Variants in UCK2 observed in about 807,000 individuals in gnomAD.
UCK2 encodes the protein uridine-cytidine kinase 2.
UCK2 carries 6 observed loss-of-function variants against 30.8 expected under a neutral mutation model. The ratio of observed to expected loss-of-function variants is 0.19; its 90% CI spans 0.11 to 0.38. UCK2 has a LOEUF of 0.38. UCK2 is among the 10% of genes least tolerant of loss of function. The pLI, the probability that UCK2 is intolerant of heterozygous loss-of-function variation, is 1.00. For synonymous variants in UCK2, 125 were observed against 133.6 expected (o/e 0.94, Z 0.45); for missense variants, 210 against 339.8 (o/e 0.62, Z 3.00).
chr1:165,909,646 T>G lies in UCK2; in HGVS notation c.*1823T>G, dbSNP rs1209438302. The G allele has an allele frequency of 6.6e-6, 1 of 152,316 alleles. No homozygotes were observed. The highest frequency in any genetic ancestry group is 1.5e-5 in the Non-Finnish European group (1 of 68,106). 9.4% of individuals were successfully genotyped at this position (152,316 alleles called of 1,614,324 possible). Reference sequence around the variant, plus strand: ...GCTCCCAGTCACAGCAGCCGCCTACTTGGAGCAAGGGAAGGCTCCCAAGAT... The same window carrying G: ...GCTCCCAGTCACAGCAGCCGCCTACGTGGAGCAAGGGAAGGCTCCCAAGAT... On this transcript the variant is annotated 3_prime_UTR_variant, in exon 7 of 7. Coordinates refer to ENST00000367879, the MANE Select transcript of UCK2 (RefSeq NM_012474.5).
intron 1 of UCK2, among the ~76,000 whole-genome samples, chr1:165,829,739 C>T (rs1557829593): frequency 2.0e-5 from 3 of 152,074 alleles, no homozygotes. Flanking sequence ...TAGTGGTGAG[C>T]CAATGTGGGA....
chr1:165,902,880 A>G lies in UCK2; in HGVS notation c.500-302A>G, dbSNP rs565115229. On this transcript the variant is annotated intron_variant, in intron 4 of 6. Transcript: ENST00000367879. ...TGCCCTGCTTTTTTAAAAAATTCAC[A>G]CTGAAATTTTGTTTGGAGCAAATGT... is the stretch of plus-strand genomic sequence containing the variant. The G allele has an allele frequency of 2.8e-3, 628 of 222,732 alleles. 3 individuals carry two copies. Among genetic ancestry groups the G allele is most frequent in the Non-Finnish European group, 4.4e-3 (486 of 110,670 alleles). 13.8% of individuals were successfully genotyped at this position (222,732 alleles called of 1,614,324 possible). A position where few individuals can be genotyped will look rare whatever the true frequency, so the allele number is the denominator to read the frequency against.
chr1:165,827,760 G>A lies in UCK2; in HGVS notation c.-74G>A, dbSNP rs1653923765. ...CCAGCGGCGGCTGCGGAAAGCGGAGGGAGTCCGACGCGGGCGCGGGCGGGG... is the reference window on the plus strand; with the variant it reads ...CCAGCGGCGGCTGCGGAAAGCGGAGAGAGTCCGACGCGGGCGCGGGCGGGG... On this transcript the variant is annotated 5_prime_UTR_variant, in exon 1 of 7. Transcript: ENST00000367879. 2 of 1,243,138 alleles carry A rather than the reference G, an allele frequency of 1.6e-6. No homozygotes were observed. The highest frequency in any genetic ancestry group is 3.1e-5 in the African/African-American group (2 of 63,992). The allele number at this position is 1,243,138 out of a possible 1,614,324, so 77.0% of individuals were successfully genotyped here. A position where few individuals can be genotyped will look rare whatever the true frequency, so the allele number is the denominator to read the frequency against.
chr1:165,832,754 C>T (rs1048878207), intron 1 of UCK2, among the ~76,000 whole-genome samples: 1 of 151,970 alleles, frequency 6.6e-6, no homozygotes, highest in Admixed American at 6.6e-5. Flanking sequence ...CCACAATGTC[C>T]GGCTAATTTT....
intron 1 of UCK2, among the ~76,000 whole-genome samples, chr1:165,851,417 C>T (rs1253472196): frequency 6.6e-6 from 1 of 152,032 alleles, no homozygotes; most frequent in Non-Finnish European, 1.5e-5. Context: ...AATAGGAGTG[C>T]CCTCAGCCCA....
rs74486980 is a variant in UCK2 at position 165,897,445 on chromosome 1, G to A, written c.499+1113G>A. ...GAAGAGTATTAGCAGAGTTAGAATC[G>A]ACCAGGACCCAGCAAGGGCAGTGGG... On this transcript the variant is annotated intron_variant, in intron 4 of 6. Transcript: ENST00000367879. Among the ~76,000 whole-genome samples, 589 of 152,210 alleles carry A rather than the reference G, an allele frequency of 3.9e-3. 1 individual carries two copies. The highest frequency in any genetic ancestry group is 6.4e-3 in the Non-Finnish European group (436 of 68,018).
intron 6 of UCK2, among the ~76,000 whole-genome samples, chr1:165,907,162 A>G (rs943311524): frequency 2.0e-5 from 3 of 152,100 alleles, no homozygotes; most frequent in African/African-American, 7.2e-5. Context: ...TGTGTATTCC[A>G]TTTTTGGTGA....
chr1:165,890,467 C>G, intron 2 of UCK2, 104 bp downstream of exon 2: 1 of 1,179,304 alleles, frequency 8.5e-7, no homozygotes, highest in Non-Finnish European at 1.2e-6. Context: ...AATCTTGTTT[C>G]TATCTAGAAC....
At chr1:165,886,188 C>T (rs1233345756) in intron 1 of UCK2, among the ~76,000 whole-genome samples, 2 of 152,136 alleles carry the variant, frequency 1.3e-5, no homozygotes, top group African/African-American at 4.8e-5. Flanking sequence ...AGTCTTAGCC[C>T]ACTGTAACAG....
chr1:165,828,995 G>A (rs925294243), intron 1 of UCK2, among the ~76,000 whole-genome samples: 2 of 152,188 alleles, frequency 1.3e-5, no homozygotes, highest in African/African-American at 4.8e-5. Flanking sequence ...AGCAGAGCAG[G>A]AAGGCTGGTT....
Position 165,890,361 on chromosome 1 carries a change from C to T in UCK2, c.257C>T (p.Pro86Leu). 1 of 1,613,368 alleles carries T rather than the reference C, an allele frequency of 6.2e-7. No homozygotes were observed. The highest frequency in any genetic ancestry group is 8.5e-7 in the Non-Finnish European group (1 of 1,179,908). Residue 86 changes from proline to leucine, a missense_variant and splice_region_variant, in exon 2 of 7, where the codon CCG becomes CTG. Physicochemically the swap from Pro to Leu is moderately conservative, Grantham distance 98. Coordinates refer to ENST00000367879, the MANE Select transcript of UCK2 (RefSeq NM_012474.5). Reference protein sequence around the residue: ...ALKGQFNFDHPDAFDNELILK... With the variant: ...ALKGQFNFDHLDAFDNELILK... ...AAGGGCCAGTTCAACTTTGACCACC[C>T]GGGTGAGTCGGGCATTGAAGGGGGT...
At chr1:165,855,650 T>C (rs1417723001) in intron 1 of UCK2, among the ~76,000 whole-genome samples, 1 of 152,124 alleles carries the variant, frequency 6.6e-6, no homozygotes, top group Non-Finnish European at 1.5e-5. Flanking sequence ...TATGTGCTAC[T>C]TGAATCTTGC....
rs182194257 is a variant in UCK2, at chr1:165,860,057, A to G, written c.100-30147A>G. ...TTTGAAGGAGGTTCAAGCCACCATC[A>G]TATTTTGCTATAGTCCAGACTGCTG... On this transcript the variant is annotated intron_variant, in intron 1 of 6. Coordinates refer to ENST00000367879, the MANE Select transcript of UCK2 (RefSeq NM_012474.5). 1.7e-4 allele frequency among the ~76,000 whole-genome samples: 26 copies of G among 152,280 alleles called. No homozygotes were observed. The East Asian group carries it at 5.0e-3, about 29-fold the overall frequency.
chr1:165,828,502 C>G (rs541285867), intron 1 of UCK2, among the ~76,000 whole-genome samples: 61 of 152,322 alleles, frequency 4.0e-4, no homozygotes, highest in African/African-American at 1.3e-3. Flanking sequence ...ACAGGGGTTT[C>G]CGGGTAAAAG....
In UCK2 at chr1:165,861,636, AAAAAAAAAAAAAACAAAAAAAAAC is replaced by A. The variant is rs1171380305; in HGVS notation, c.100-28565_100-28542del. On this transcript the variant is annotated intron_variant, in intron 1 of 6. Transcript: ENST00000367879. ...GAGCGAGACTCCGTCTCAAAAAAAA[AAAAAAAAAAAAAACAAAAAAAAAC>A]AACAGTAAAACTCAATAGCTCTGGT... Among the ~76,000 whole-genome samples the A allele has an allele frequency of 3.2e-5, 4 of 124,064 alleles. 1 individual carries two copies. The highest frequency in any genetic ancestry group is 2.9e-4 in the South Asian group (1 of 3,420). 81.4% of individuals were successfully genotyped at this position (124,064 alleles called of 152,430 possible).
chr1:165,875,133 T>C (rs1218204285), intron 1 of UCK2, among the ~76,000 whole-genome samples: 2 of 152,202 alleles, frequency 1.3e-5, no homozygotes, highest in African/African-American at 4.8e-5. Flanking sequence ...TAATTTTTAT[T>C]GAACATATAG....
chr1:165,909,262 G>A lies in UCK2; in HGVS notation c.*1439G>A, dbSNP rs760844700. 1.3e-5 allele frequency: 2 copies of A among 152,082 alleles called. No homozygotes were observed. The highest frequency in any genetic ancestry group is 2.4e-5 in the African/African-American group (1 of 41,388). The allele number at this position is 152,082 out of a possible 1,614,324, so 9.4% of individuals were successfully genotyped here. On this transcript the variant is annotated 3_prime_UTR_variant, in exon 7 of 7. Coordinates refer to ENST00000367879, the MANE Select transcript of UCK2 (RefSeq NM_012474.5). The stretch of plus-strand genomic sequence containing the variant: ...GAAGGAGTTCTGATTATAGAGTCCC[G>A]AGCCTCAGTTTCTGACTGCAGAAGA...
intron 1 of UCK2, among the ~76,000 whole-genome samples, chr1:165,871,175 G>C (rs1289599788): frequency 1.3e-5 from 2 of 151,978 alleles, no homozygotes; most frequent in African/African-American, 2.4e-5. Context: ...TTGTGTGTGC[G>C]TGTGCGTTTG....
At chr1:165,874,966 T>G (rs1249194079) in intron 1 of UCK2, among the ~76,000 whole-genome samples, 1 of 151,996 alleles carries the variant, frequency 6.6e-6, no homozygotes, top group Non-Finnish European at 1.5e-5. Flanking sequence ...TAATGTAGTT[T>G]TGTGCCGTTT....
Sources: gnomAD v4.1 joint callset for allele counts (sites outside exome capture counted in the v4.1 genomes callset) on GRCh38, gnomAD v4.1.1 for gene constraint, MANE v1.5 for transcripts, NCBI Gene and HGNC (gene_info 2026-07-23, HGNC 2026-07-21) for gene names.